The following WTIP variants were observed in gnomAD, a reference collection of about 807,000 sequenced individuals.
WTIP encodes Wilms tumor protein 1-interacting protein.
WTIP carries 23 observed loss-of-function variants against 41.7 expected under a neutral mutation model. That is an observed-to-expected ratio of 0.55 (90% CI 0.40 to 0.78). The LOEUF (loss-of-function observed/expected upper bound fraction) is 0.78. Ranked by LOEUF, WTIP falls within the 30% of genes least tolerant of loss-of-function variation. The pLI, the probability that WTIP is intolerant of heterozygous loss-of-function variation, is 0.00. For synonymous variants in WTIP, 314 were observed against 269.9 expected (o/e 1.16, Z -1.60); for missense variants, 619 against 610.5 (o/e 1.01, Z -0.15).
intron 1 of WTIP, among the ~76,000 whole-genome samples, chr19:34,487,102 CTTTTT>C (rs34893888): frequency 2.1e-5 from 2 of 96,728 alleles, no homozygotes; most frequent in Non-Finnish European, 1.9e-5. Context: ...TCCCTGCCTG[CTTTTT>C]TTTTTTTTTT....
chr19:34,482,202 G>A lies in WTIP; in HGVS notation c.228G>A (p.Ala76=), dbSNP rs914452723. 1.8e-6 allele frequency: 2 copies of A among 1,119,794 alleles called. No individual in the cohort carries two copies. Among genetic ancestry groups the A allele is most frequent in the Non-Finnish European group, 2.2e-6 (2 of 918,732 alleles). 69.4% of individuals were successfully genotyped at this position (1,119,794 alleles called of 1,614,324 possible). Residue 76 remains alanine, a synonymous_variant, in exon 1 of 8, where the codon GCG becomes GCA. Coordinates refer to ENST00000590071, the MANE Select transcript of WTIP (RefSeq NM_001080436.2). ...GCGGGGAGCGGGGTCCCCGGCGCGC[G>A]GCGGTTCCGGAGCTCAGCGCGCAGC... is the stretch of plus-strand genomic sequence containing the variant. ...LSRGERGPRR[A]AVPELSAQPA...
intron 1 of WTIP, among the ~76,000 whole-genome samples, chr19:34,488,592 C>T (rs2145596446): frequency 6.6e-6 from 1 of 152,058 alleles, no homozygotes; most frequent in African/African-American, 2.4e-5. Flanking sequence ...GTCTGGAACT[C>T]TTCGGCTCAA....
chr19:34,493,735 C>T lies in WTIP; in HGVS notation c.1031+113C>T, dbSNP rs2075838500. On this transcript the variant is annotated intron_variant, in intron 5 of 7. Transcript: ENST00000590071. This position sits in a 1 kb window ranked among gnomAD's most constrained non-coding sequence, Gnocchi z 4.1. ...CCCTTTGTTCTTGGCCTTTTGCCTT[C>T]CGCCTCCCCTTGTACACCTGGGCTT... 1 of 1,450,316 alleles carries T rather than the reference C, an allele frequency of 6.9e-7. No homozygotes were observed. The highest frequency in any genetic ancestry group is 1.8e-5 in the Admixed American group (1 of 57,056). The allele number at this position is 1,450,316 out of a possible 1,614,324, so 89.8% of individuals were successfully genotyped here. A position where few individuals can be genotyped will look rare whatever the true frequency, so the allele number is the denominator to read the frequency against.
In WTIP at chr19:34,506,616, G is replaced by A. The variant is rs2075912372; in HGVS notation, c.*6347G>A. The stretch of plus-strand genomic sequence containing the variant: ...TACTAAAATTACAAAAACTAGCCAG[G>A]TGTGGTGGTGGGCACCTGTAGTCCC... On this transcript the variant is annotated 3_prime_UTR_variant, in exon 8 of 8. Transcript: ENST00000590071. 6.6e-6 allele frequency: 1 copy of A among 152,082 alleles called. No homozygotes were observed. 9.4% of individuals were successfully genotyped at this position (152,082 alleles called of 1,614,324 possible).
intron 5 of WTIP, among the ~76,000 whole-genome samples, chr19:34,494,157 C>T (rs1401718916): frequency 6.6e-6 from 1 of 152,108 alleles, no homozygotes; most frequent in Non-Finnish European, 1.5e-5. Flanking sequence ...GTGTCCCAGA[C>T]CTGGACATTA....
chr19:34,487,622 G>C (rs1268254333), intron 1 of WTIP, among the ~76,000 whole-genome samples: 1 of 152,250 alleles, frequency 6.6e-6, no homozygotes. Context: ...ACGGCTAGGA[G>C]ATGACCAAGT....
chr19:34,492,036 C>A (rs1054878397), intron 2 of WTIP, among the ~76,000 whole-genome samples: 2 of 151,534 alleles, frequency 1.3e-5, no homozygotes, highest in Non-Finnish European at 2.9e-5. Context: ...AAAGTTTTGT[C>A]CATTCTAGAA....
chr19:34,498,169 A>G (rs1007044068), intron 7 of WTIP, among the ~76,000 whole-genome samples: 3 of 152,102 alleles, frequency 2.0e-5, no homozygotes, highest in African/African-American at 7.2e-5. Flanking sequence ...TGTTGGTGTC[A>G]GGGGCTCTGG....
rs908049101 is a variant in WTIP, at chr19:34,500,166, G to A, written c.1190G>A (p.Arg397His). ...CAGCTGAGCGGGGAGGAGGGACGCC[G>A]TTGCTATCCCCTGGCGGGCCACCTA... Reference protein sequence around the residue: ...GLQLSGEEGRRCYPLAGHLLC... With the variant: ...GLQLSGEEGRHCYPLAGHLLC... The change falls in exon 8 of 8, where the codon CGT (arginine) becomes CAT (histidine). Residue 397 changes from arginine (R) to histidine (H), a missense_variant. Physicochemically the swap from Arg to His is conservative, Grantham distance 29. Transcript: ENST00000590071. 10 of 1,601,940 alleles carry A rather than the reference G, an allele frequency of 6.2e-6. No homozygotes were observed. The highest frequency in any genetic ancestry group is 7.6e-6 in the Non-Finnish European group (9 of 1,179,794).
At position 34,492,901 on chromosome 19, in the gene WTIP, A is replaced by G. The variant is rs971092597; in HGVS notation, c.770-136A>G. On this transcript the variant is annotated intron_variant, in intron 2 of 7. Coordinates refer to ENST00000590071, the MANE Select transcript of WTIP (RefSeq NM_001080436.2). The stretch of plus-strand genomic sequence containing the variant: ...TTGTTATTATAACAATAACAACATA[A>G]TATTAAAGGGAAATTTAGAAAACCA... 4 of 744,756 alleles carry G rather than the reference A, an allele frequency of 5.4e-6. No homozygotes were observed. The African/African-American group carries it at 7.1e-5, about 13-fold the overall frequency. The allele number at this position is 744,756 out of a possible 1,614,324, so 46.1% of individuals were successfully genotyped here.
chr19:34,497,581 G>A (rs924992789), intron 7 of WTIP, among the ~76,000 whole-genome samples: 3 of 152,160 alleles, frequency 2.0e-5, no homozygotes, highest in East Asian at 1.9e-4. Flanking sequence ...ACACACAGGC[G>A]AAGTGGCCAC....
Position 34,500,289 on chromosome 19 carries a change from T to A in WTIP, c.*20T>A, listed in dbSNP as rs144684289. 0.016 allele frequency: 25,000 copies of A among 1,585,828 alleles called. 229 individuals carry two copies. Among genetic ancestry groups the A allele is most frequent in the Non-Finnish European group, 0.019 (21,628 of 1,169,076 alleles). On this transcript the variant is annotated 3_prime_UTR_variant, in exon 8 of 8. Coordinates refer to ENST00000590071, the MANE Select transcript of WTIP (RefSeq NM_001080436.2). ...CTCTGAGCAGGGGAAAACCCGTCCC[T>A]GGGCCGGGGTGGGTGTGGGTGTGGA... is the stretch of plus-strand genomic sequence containing the variant.
chr19:34,489,610 A>G (rs1484269096), intron 1 of WTIP, among the ~76,000 whole-genome samples: 3 of 137,196 alleles, frequency 2.2e-5, no homozygotes, highest in Non-Finnish European at 4.5e-5. Context: ...AGAGCAGGCC[A>G]TGGATGAAAG....
Position 34,482,024 on chromosome 19 carries a change from G to T in WTIP, c.50G>T (p.Gly17Val), listed in dbSNP as rs1229287284. The change falls in exon 1 of 8, where the codon GGG (glycine) becomes GTG (valine). Residue 17 changes from glycine to valine, a missense_variant. Coordinates refer to ENST00000590071, the MANE Select transcript of WTIP (RefSeq NM_001080436.2). Reference sequence around the variant, plus strand: ...GACGAGGCGGCCCTACTCCTGGCCGGGCTGGCCCTGCGGGAGCTGGAGCCC... The same window carrying T: ...GACGAGGCGGCCCTACTCCTGGCCGTGCTGGCCCTGCGGGAGCTGGAGCCC... The part of the protein sequence containing the change: ...GADEAALLLA[G>V]LALRELEPGC... The T allele has an allele frequency of 9.8e-7, 1 of 1,025,354 alleles. No homozygotes were observed. Among genetic ancestry groups the T allele is most frequent in the Non-Finnish European group, 1.2e-6 (1 of 857,198 alleles). The allele number at this position is 1,025,354 out of a possible 1,614,324, so 63.5% of individuals were successfully genotyped here.
In WTIP at chr19:34,495,588, G is replaced by A. The variant is rs947042545; in HGVS notation, c.1084-115G>A. The A allele has an allele frequency of 1.9e-5, 22 of 1,155,742 alleles. No homozygotes were observed. In the Middle Eastern group the frequency reaches 5.9e-4, roughly 31 times the overall value. 71.6% of individuals were successfully genotyped at this position (1,155,742 alleles called of 1,614,324 possible). ...AGAAGCAGCGTGGCAGTGCTCCCCG[G>A]GGCGGGCGTGCACCTCCGCCGGGAC... On this transcript the variant is annotated intron_variant, in intron 6 of 7. Coordinates refer to ENST00000590071, the MANE Select transcript of WTIP (RefSeq NM_001080436.2).
rs1256440634 is a variant in WTIP, at chr19:34,481,877, G to A, written c.-98G>A. On this transcript the variant is annotated 5_prime_UTR_variant, in exon 1 of 8. Coordinates refer to ENST00000590071, the MANE Select transcript of WTIP (RefSeq NM_001080436.2). ...CCGCCCCGCGCCCAGGGGTCCCGGGGCGGGCTCCGGGCTTCGGGCGGACGA... is the reference window on the plus strand; with the variant it reads ...CCGCCCCGCGCCCAGGGGTCCCGGGACGGGCTCCGGGCTTCGGGCGGACGA... 24 of 745,208 alleles carry A rather than the reference G, an allele frequency of 3.2e-5. No homozygotes were observed. The highest frequency in any genetic ancestry group is 3.3e-5 in the Non-Finnish European group (20 of 612,466). 46.2% of individuals were successfully genotyped at this position (745,208 alleles called of 1,614,324 possible).
At chr19:34,496,391 G>A (rs988405299) in intron 7 of WTIP, among the ~76,000 whole-genome samples, 2 of 152,128 alleles carry the variant, frequency 1.3e-5, no homozygotes, top group Non-Finnish European at 2.9e-5. Flanking sequence ...GGCTGGTCTT[G>A]AACTCCTGGG....
In WTIP at chr19:34,482,370, C is replaced by T; in HGVS notation, c.396C>T (p.Pro132=). The change falls in exon 1 of 8, where the codon CCC becomes CCT. Residue 132 remains proline (P), a synonymous_variant. Coordinates refer to ENST00000590071, the MANE Select transcript of WTIP (RefSeq NM_001080436.2). ...GTCGCTCGGACCCGCGTCCCGGTCCCGGGCCGCCTTCGGTGGGCAGCGCCC... is the reference window on the plus strand; with the variant it reads ...GTCGCTCGGACCCGCGTCCCGGTCCTGGGCCGCCTTCGGTGGGCAGCGCCC... The part of the protein sequence containing the change: ...RSGRSDPRPG[P]GPPSVGSARS... The T allele has an allele frequency of 1.5e-6, 2 of 1,376,600 alleles. No individual in the cohort carries two copies. The highest frequency in any genetic ancestry group is 1.5e-5 in the South Asian group (1 of 68,122). 85.3% of individuals were successfully genotyped at this position (1,376,600 alleles called of 1,614,324 possible). A position where few individuals can be genotyped will look rare whatever the true frequency, so the allele number is the denominator to read the frequency against.
rs200999958 is a variant in WTIP at position 34,510,249 on chromosome 19, CATCTTCTG to C, written c.*9982_*9989del. Reference sequence around the variant, plus strand: ...GCCTGGGCATCCAGGCATTTTCATACATCTTCTGAAATCTAGATGGAGGTTCCCAAACC... The same window carrying C: ...GCCTGGGCATCCAGGCATTTTCATACAAATCTAGATGGAGGTTCCCAAACC... On this transcript the variant is annotated 3_prime_UTR_variant, in exon 8 of 8. Coordinates refer to ENST00000590071, the MANE Select transcript of WTIP (RefSeq NM_001080436.2). 2,436 of 152,360 alleles carry C rather than the reference CATCTTCTG, an allele frequency of 0.016. 27 individuals are homozygous for C. Among genetic ancestry groups the C allele is most frequent in the Admixed American group, 0.027 (416 of 15,308 alleles). The allele number at this position is 152,360 out of a possible 1,614,324, so 9.4% of individuals were successfully genotyped here. A position where few individuals can be genotyped will look rare whatever the true frequency, so the allele number is the denominator to read the frequency against.
Sources: allele counts gnomAD v4.1 joint callset (sites outside exome capture counted in the v4.1 genomes callset), GRCh38; gene constraint gnomAD v4.1.1; non-coding constraint Gnocchi (gnomAD v3.1); transcripts MANE v1.5; gene names NCBI Gene and HGNC (gene_info 2026-07-23, HGNC 2026-07-21).